Variants in PUS1 observed in about 807,000 individuals in gnomAD.
PUS1 encodes the protein pseudouridylate synthase 1 homolog.
In PUS1, 25 loss-of-function variants were observed where a neutral mutation model predicts 38.5. The ratio of observed to expected loss-of-function variants is 0.65; its 90% CI spans 0.47 to 0.91. PUS1 has a LOEUF of 0.91. Among genes scored for constraint, PUS1 ranks in the 40% least tolerant of loss-of-function variants. The probability of loss-of-function intolerance (pLI) is 0.00; values close to 1 mark genes in which losing one functional copy is unlikely to be tolerated. For missense variants in PUS1, 597 were observed against 612.3 expected, an observed-to-expected ratio of 0.97 and a Z score of 0.26; for synonymous variants, 282 against 260.4, an observed-to-expected ratio of 1.08 and a Z score of -0.80.
intron 3 of PUS1, 44 bp from the exon 4 acceptor site, chr12:131,939,129 C>T: frequency 1.5e-6 from 2 of 1,308,000 alleles, no homozygotes; most frequent in Non-Finnish European, 2.2e-6. Context: ...GCGTGCGAGG[C>T]CCAAGGGACC....
chr12:131,940,822 C>G (rs995909915), intron 4 of PUS1: 4 of 167,036 alleles, frequency 2.4e-5, no homozygotes, highest in African/African-American at 9.6e-5. Context: ...ATCCACCCAC[C>G]TCGGCCTCCC....
chr12:131,937,793 A>G lies in PUS1; in HGVS notation c.442-1380A>G, dbSNP rs1453630909. Among the ~76,000 whole-genome samples the G allele has an allele frequency of 3.3e-5, 5 of 151,888 alleles. No homozygotes were observed. In the East Asian group the frequency reaches 7.7e-4, roughly 23 times the overall value. On this transcript the variant is annotated intron_variant, in intron 3 of 5. Transcript: ENST00000376649. ...ACTCTTGGGCTCAAGCAATCTTCCT[A>G]CCTTAGCCTCCCAAAGTACTGGGAT...
intron 3 of PUS1, chr12:131,932,602 C>T (rs1890654286): frequency 1.1e-5 from 6 of 532,428 alleles, no homozygotes; most frequent in African/African-American, 1.9e-5. Flanking sequence ...CAGTGGCGGC[C>T]GCAATGTCTG....
Position 131,941,620 on chromosome 12 carries a change from G to A in PUS1, c.873G>A (p.Met291Ile). ...VIRVKGQSFM[M>I]HQIRKMVGLV... ...GGGTGAAGGGCCAGAGCTTCATGAT[G>A]CATCAGATCCGGAAGATGGTCGGCC... The change falls in exon 5 of 6, where the codon ATG becomes ATA. Residue 291 changes from methionine to isoleucine, a missense_variant. Met to Ile is a conservative substitution (Grantham distance 10). Transcript: ENST00000376649. This position sits in a 1 kb window ranked among gnomAD's most constrained non-coding sequence, Gnocchi z 4.4. The A allele has an allele frequency of 1.2e-6, 2 of 1,614,224 alleles. No individual in the cohort carries two copies. The highest frequency in any genetic ancestry group is 1.7e-6 in the Non-Finnish European group (2 of 1,180,048).
Position 131,929,790 on chromosome 12 carries a change from C to A in PUS1, c.68C>A (p.Pro23Gln), listed in dbSNP as rs746395752. Residue 23 changes from proline to glutamine, a missense_variant, in exon 1 of 6, where the codon CCG (proline) becomes CAG (glutamine). Pro to Gln is a moderately conservative substitution (Grantham distance 76). Transcript: ENST00000376649. ...GRWTLRLGPRPSCSPRMAGNA... is the reference protein window; with the variant it reads ...GRWTLRLGPRQSCSPRMAGNA... ...TGGACCCTGCGCCTGGGACCGCGTC[C>A]GTCCTGGTAATGACCGCGACGCCGG... 2 of 1,588,344 alleles carry A rather than the reference C, an allele frequency of 1.3e-6. No individual in the cohort carries two copies. Among genetic ancestry groups the A allele is most frequent in the Middle Eastern group, 1.9e-4 (1 of 5,342 alleles).
rs145330439 is a variant in PUS1 at position 131,935,858 on chromosome 12, TTTCTGCTG to T, written c.442-3312_442-3305del. 4.5e-3 allele frequency among the ~76,000 whole-genome samples: 682 copies of T among 152,276 alleles called. 30 individuals are homozygous for T. In the East Asian group the frequency reaches 0.12, roughly 26 times the overall value. The stretch of plus-strand genomic sequence containing the variant: ...TATTGTTTATTTTTGTGTGTGTGTA[TTTCTGCTG>T]TTTAACATTCTGTTTTTGTTTCAGA... On this transcript the variant is annotated intron_variant, in intron 3 of 5. Transcript: ENST00000376649.
chr12:131,933,335 A>T (rs1220754263), intron 3 of PUS1, among the ~76,000 whole-genome samples: 2 of 152,094 alleles, frequency 1.3e-5, no homozygotes, highest in Non-Finnish European at 2.9e-5. Context: ...TCTGGCTTGA[A>T]ATTAATAAAT....
chr12:131,940,974 A>G, intron 4 of PUS1: 1 of 390,938 alleles, frequency 2.6e-6, no homozygotes, highest in South Asian at 3.6e-5. Flanking sequence ...AATTAGCATA[A>G]TATATCCATC....
rs1891255203 is a variant in PUS1 at position 131,945,484 on chromosome 12, C to G, written c.*1898C>G. 1 of 152,176 alleles carries G rather than the reference C, an allele frequency of 6.6e-6. No individual in the cohort carries two copies. The highest frequency in any genetic ancestry group is 1.5e-5 in the Non-Finnish European group (1 of 68,028). 9.4% of individuals were successfully genotyped at this position (152,176 alleles called of 1,614,324 possible). On this transcript the variant is annotated 3_prime_UTR_variant, in exon 6 of 6. Transcript: ENST00000376649. ...GCATGTTAATTTTACCTGGGATAGACAGGACTTTATTTTTTATTTTTATTT... is the reference window on the plus strand; with the variant it reads ...GCATGTTAATTTTACCTGGGATAGAGAGGACTTTATTTTTTATTTTTATTT...
At chr12:131,938,175 T>TG (rs1402197053) in intron 3 of PUS1, among the ~76,000 whole-genome samples, 1 of 152,132 alleles carries the variant, frequency 6.6e-6, no homozygotes, top group Non-Finnish European at 1.5e-5. Flanking sequence ...CGGGCATCGT[T>TG]GCTTACACCT....
At chr12:131,936,186 G>A (rs1228650724) in intron 3 of PUS1, among the ~76,000 whole-genome samples, 3 of 151,592 alleles carry the variant, frequency 2.0e-5, no homozygotes, top group Non-Finnish European at 2.9e-5. Flanking sequence ...ACTGCAGCCC[G>A]GGTGACAGAG....
At chr12:131,939,795 G>T (rs764886778) in intron 4 of PUS1, among the ~76,000 whole-genome samples, 1 of 152,006 alleles carries the variant, frequency 6.6e-6, no homozygotes, top group Non-Finnish European at 1.5e-5. Flanking sequence ...CTACAGGTGT[G>T]TGCCACCACA....
At position 131,941,968 on chromosome 12, in the gene PUS1, T is replaced by C; in HGVS notation, c.1221T>C (p.Gly407=). The change falls in exon 5 of 6, where the codon GGT becomes GGC. Residue 407 remains glycine, a synonymous_variant. Transcript: ENST00000376649. This position sits in a 1 kb window ranked among gnomAD's most constrained non-coding sequence, Gnocchi z 4.4. The stretch of plus-strand genomic sequence containing the variant: ...TCAGTGCCACCGCTCTCACGGCAGG[T>C]GGCACGGGCGCCAAGGTAGGGGCAC... ...HNFSATALTA[G]GTGAKVPSPL... is the part of the protein sequence containing the mutation. 6.2e-7 allele frequency: 1 copy of C among 1,611,668 alleles called. No individual in the cohort carries two copies. The highest frequency in any genetic ancestry group is 8.5e-7 in the Non-Finnish European group (1 of 1,179,406).
At chr12:131,936,838 G>A (rs932715243) in intron 3 of PUS1, among the ~76,000 whole-genome samples, 2 of 151,414 alleles carry the variant, frequency 1.3e-5, no homozygotes, top group Non-Finnish European at 2.9e-5. Flanking sequence ...GCAGGGAGTC[G>A]AGGTTGCGTC....
intron 3 of PUS1, 27 bp downstream of exon 3, chr12:131,932,339 C>T (rs896177655): frequency 3.1e-6 from 5 of 1,612,086 alleles, no homozygotes; most frequent in Non-Finnish European, 3.4e-6. Flanking sequence ...TCTGCCCCTC[C>T]CCCGCTGCTA....
Position 131,929,609 on chromosome 12 carries a change from A to C in PUS1, c.-114A>C, listed in dbSNP as rs1890484409. On this transcript the variant is annotated 5_prime_UTR_variant, in exon 1 of 6. Transcript: ENST00000376649. ...TCCCGGAGGTCAGGGGTCAGAAGGAACAGGGCTGCAGCGTCAGGGTCCGAG... is the reference window on the plus strand; with the variant it reads ...TCCCGGAGGTCAGGGGTCAGAAGGACCAGGGCTGCAGCGTCAGGGTCCGAG... 2 of 881,994 alleles carry C rather than the reference A, an allele frequency of 2.3e-6. No individual in the cohort carries two copies. Among genetic ancestry groups the C allele is most frequent in the African/African-American group, 1.8e-5 (1 of 56,002 alleles). The allele number at this position is 881,994 out of a possible 1,614,324, so 54.6% of individuals were successfully genotyped here.
chr12:131,929,668 C>A lies in PUS1; in HGVS notation c.-55C>A. The A allele has an allele frequency of 2.4e-6, 3 of 1,263,018 alleles. No homozygotes were observed. Among genetic ancestry groups the A allele is most frequent in the Non-Finnish European group, 2.1e-6 (2 of 973,358 alleles). The allele number at this position is 1,263,018 out of a possible 1,614,324, so 78.2% of individuals were successfully genotyped here. A position where few individuals can be genotyped will look rare whatever the true frequency, so the allele number is the denominator to read the frequency against. On this transcript the variant is annotated 5_prime_UTR_variant, in exon 1 of 6. It adds an upstream start codon to the 5' untranslated region. Transcript: ENST00000376649. ...GGTCGGCAGAGGCGGAGCTGGGGCA[C>A]TGGGGGTCAGGGGTCGGGGATCAGG...
At chr12:131,939,079 A>G (rs2136440534) in intron 3 of PUS1, 94 bp from the exon 4 acceptor site, 2 of 819,300 alleles carry the variant, frequency 2.4e-6, no homozygotes, top group Non-Finnish European at 4.2e-6. Flanking sequence ...CATGTGTGAA[A>G]TGACGTAAGG....
At position 131,944,714 on chromosome 12, in the gene PUS1, C is replaced by G. The variant is rs577845875; in HGVS notation, c.*1128C>G. The G allele has an allele frequency of 6.5e-6, 1 of 153,082 alleles. No homozygotes were observed. Among genetic ancestry groups the G allele is most frequent in the East Asian group, 1.9e-4 (1 of 5,188 alleles). The allele number at this position is 153,082 out of a possible 1,614,324, so 9.5% of individuals were successfully genotyped here. Reference sequence around the variant, plus strand: ...GGTCGGTACTCGCCTCAGCACTGTCCCGGTGCCAGGCAGGTGGGGGTTGGG... The same window carrying G: ...GGTCGGTACTCGCCTCAGCACTGTCGCGGTGCCAGGCAGGTGGGGGTTGGG... On this transcript the variant is annotated 3_prime_UTR_variant, in exon 6 of 6. Coordinates refer to ENST00000376649, the MANE Select transcript of PUS1 (RefSeq NM_025215.6).
Sources: gnomAD v4.1 joint callset for allele counts (sites outside exome capture counted in the v4.1 genomes callset) on GRCh38, gnomAD v4.1.1 for gene constraint, Gnocchi (gnomAD v3.1) non-coding constraint, MANE v1.5 for transcripts, NCBI Gene and HGNC (gene_info 2026-07-23, HGNC 2026-07-21) for gene names.